Variants in ABCA5 observed in about 807,000 individuals in gnomAD.
The protein encoded by ABCA5 is cholesterol transporter ABCA5.
ABCA5 carries 163 observed loss-of-function variants against 206.0 expected under a neutral mutation model. That is an observed-to-expected ratio of 0.79 (90% confidence interval 0.70 to 0.90). The LOEUF (loss-of-function observed/expected upper bound fraction) is 0.90, where lower values mean the gene tolerates loss of function less well. Ranked by LOEUF, ABCA5 falls within the 40% of genes least tolerant of loss-of-function variation. The pLI is 0.00. For synonymous variants in ABCA5, 609 were observed against 613.8 expected (o/e 0.99, Z 0.11); for missense variants, 1,859 against 1,912.9 (o/e 0.97, Z 0.53).
chr17:69,253,087 A>G (rs1439312821), intron 34 of ABCA5, among the ~76,000 whole-genome samples: 1 of 152,140 alleles, frequency 6.6e-6, no homozygotes, highest in Non-Finnish European at 1.5e-5. Context: ...GCTATACCAT[A>G]TAGTCTAGGT....
chr17:69,300,723 G>T (rs2071902932), intron 9 of ABCA5, among the ~76,000 whole-genome samples: 2 of 152,124 alleles, frequency 1.3e-5, no homozygotes, highest in Non-Finnish European at 2.9e-5. Flanking sequence ...AAGGAAATAT[G>T]CTCAATACTT....
chr17:69,306,770 A>ATTTTTTTTTTTTTTTTT lies in ABCA5; in HGVS notation c.742_743insAAAAAAAAAAAAAAAAA (p.Ile248LysfsTer7). ...TCCCATTATCTTTAAAAATTCTTTT[A>ATTTTTTTTTTTTTTTTT]TTTTTTTTTCTTTTTCTGCTACGAT... is the stretch of plus-strand genomic sequence containing the variant. On this transcript the variant is annotated frameshift_variant, in exon 6 of 39. Transcript: ENST00000392676. LOFTEE classifies it high-confidence loss of function. The ATTTTTTTTTTTTTTTTT allele has an allele frequency of 6.4e-7, 1 of 1,553,676 alleles. No homozygotes were observed. Among genetic ancestry groups the ATTTTTTTTTTTTTTTTT allele is most frequent in the Non-Finnish European group, 8.7e-7 (1 of 1,147,080 alleles).
chr17:69,284,008 C>T lies in ABCA5; in HGVS notation c.2337G>A (p.Thr779=), dbSNP rs763088978. ...LGVISYGVSM[T]TLEDVFLKLE... is the part of the protein sequence containing the mutation. Reference sequence around the variant, plus strand: ...GCTTTAAAAATACGTCTTCCAAAGTCGTCATGGAAACACCATAAGAAATGA... The same window carrying T: ...GCTTTAAAAATACGTCTTCCAAAGTTGTCATGGAAACACCATAAGAAATGA... Residue 779 remains threonine (T), a synonymous_variant, in exon 18 of 39, where the codon ACG becomes ACA. Coordinates refer to ENST00000392676, the MANE Select transcript of ABCA5 (RefSeq NM_172232.4). 2.1e-5 allele frequency: 34 copies of T among 1,606,554 alleles called. No homozygotes were observed. Among genetic ancestry groups the T allele is most frequent in the East Asian group, 6.8e-5 (3 of 44,242 alleles).
At chr17:69,259,944 TGATAAA>T in intron 27 of ABCA5, 147 bp from the exon 28 acceptor site, 1 of 450,360 alleles carries the variant, frequency 2.2e-6, no homozygotes, top group Non-Finnish European at 4.0e-6. Context: ...ATATTTTACA[TGATAAA>T]GATAATTAAA....
intron 11 of ABCA5, among the ~76,000 whole-genome samples, chr17:69,293,879 T>C (rs1223929260): frequency 1.1e-5 from 1 of 94,506 alleles, no homozygotes; most frequent in African/African-American, 3.3e-5. Flanking sequence ...TGTGCGTGTG[T>C]GTGTGTTTGT....
chr17:69,274,322 A>C (rs1312338198), intron 19 of ABCA5, among the ~76,000 whole-genome samples, 194 bp from the exon 20 acceptor site: 1 of 151,960 alleles, frequency 6.6e-6, no homozygotes, highest in Non-Finnish European at 1.5e-5. Flanking sequence ...AGGCTCAAGC[A>C]ATCTTCTCCC....
chr17:69,267,167 G>A (rs1260029978), intron 23 of ABCA5, among the ~76,000 whole-genome samples: 3 of 152,102 alleles, frequency 2.0e-5, no homozygotes, highest in East Asian at 1.9e-4. Context: ...GGTCCACCAC[G>A]CCTGGCCTAC....
rs555265876 is a variant in ABCA5, at chr17:69,298,119, G to A, written c.1268-760C>T. 2.0e-5 allele frequency among the ~76,000 whole-genome samples: 3 copies of A among 152,180 alleles called. No individual in the cohort carries two copies. In the South Asian group the frequency reaches 6.2e-4, roughly 32 times the overall value. On this transcript the variant is annotated intron_variant, in intron 9 of 38. Transcript: ENST00000392676. ...GGGGATCACTTGAGCCCAGGAGGCT[G>A]AGCCTGCAGTGAGCTGTGATCGTGC...
At chr17:69,308,392 C>T (rs775497357) in intron 4 of ABCA5, 24 bp from the exon 5 acceptor site, 1 of 1,535,120 alleles carries the variant, frequency 6.5e-7, no homozygotes, top group Non-Finnish European at 9.0e-7. Flanking sequence ...AATATGAGAT[C>T]TAAGATTCTG....
chr17:69,256,105 G>C (rs1227040213), intron 29 of ABCA5, 52 bp downstream of exon 29: 4 of 1,494,686 alleles, frequency 2.7e-6, no homozygotes, highest in African/African-American at 1.4e-5. Flanking sequence ...TCTATATACC[G>C]GGAATTGATC....
At chr17:69,319,359 G>A (rs1005712498) in intron 1 of ABCA5, among the ~76,000 whole-genome samples, 3 of 152,146 alleles carry the variant, frequency 2.0e-5, no homozygotes, top group African/African-American at 7.2e-5. Context: ...AGAGTAGATG[G>A]ATTCACAGAA....
At chr17:69,249,273 GC>G (rs2074985838) in intron 37 of ABCA5, 1 of 152,056 alleles carries the variant, frequency 6.6e-6, no homozygotes, top group Non-Finnish European at 1.5e-5. Context: ...GTTTATAAAT[GC>G]CATAAAATAA....
chr17:69,312,705 T>C (rs2075781854), intron 3 of ABCA5, among the ~76,000 whole-genome samples: 1 of 152,124 alleles, frequency 6.6e-6, no homozygotes, highest in East Asian at 1.9e-4. Context: ...CCACCTCAAC[T>C]TCTTGAGTAG....
chr17:69,253,997 G>A, intron 32 of ABCA5, 128 bp from the exon 33 acceptor site: 2 of 704,640 alleles, frequency 2.8e-6, no homozygotes, highest in Admixed American at 3.1e-5. Context: ...AAGTAGGTAA[G>A]GGCAAAAGTC....
chr17:69,288,595 G>A (rs575949979), intron 14 of ABCA5, among the ~76,000 whole-genome samples: 6 of 151,958 alleles, frequency 3.9e-5, no homozygotes, highest in South Asian at 2.1e-4. Flanking sequence ...GAGGCCAGGC[G>A]TGGTGGCTCA....
chr17:69,286,247 A>G lies in ABCA5; in HGVS notation c.2106T>C (p.Ser702=), dbSNP rs2075451256. The G allele has an allele frequency of 2.5e-6, 4 of 1,600,180 alleles. No homozygotes were observed. Among genetic ancestry groups the G allele is most frequent in the Non-Finnish European group, 3.4e-6 (4 of 1,176,656 alleles). The change falls in exon 16 of 39, where the codon AGT becomes AGC. Residue 702 remains serine (S), a synonymous_variant. Coordinates refer to ENST00000392676, the MANE Select transcript of ABCA5 (RefSeq NM_172232.4). The part of the protein sequence containing the change: ...KCVGSSMFLK[S]KWGIGYRLSM... ...TCAGGCGGTAGCCGATCCCCCATTT[A>G]CTTTTGAGGAACATTGAAGAACCAA...
chr17:69,300,156 C>T (rs185316661), intron 9 of ABCA5, among the ~76,000 whole-genome samples: 4 of 152,276 alleles, frequency 2.6e-5, no homozygotes, highest in East Asian at 1.9e-4. Context: ...TGCAACTAGG[C>T]GGTCCCATCT....
chr17:69,249,777 A>C, intron 37 of ABCA5, 128 bp downstream of exon 37: 1 of 1,249,400 alleles, frequency 8.0e-7, no homozygotes, highest in Non-Finnish European at 1.1e-6. Context: ...AAATTCTTTC[A>C]TAATTTGAGA....
At chr17:69,302,255 T>C (rs1205471251) in intron 8 of ABCA5, among the ~76,000 whole-genome samples, 3 of 152,222 alleles carry the variant, frequency 2.0e-5, no homozygotes, top group Admixed American at 6.5e-5. Flanking sequence ...TTATTTTGAA[T>C]GACAATTCCA....
Sources: allele counts gnomAD v4.1 joint callset (sites outside exome capture counted in the v4.1 genomes callset), GRCh38; gene constraint gnomAD v4.1.1; transcripts MANE v1.5; gene names NCBI Gene and HGNC (gene_info 2026-07-23, HGNC 2026-07-21).